The following SLC24A1 variants were observed in gnomAD, a reference collection of about 807,000 sequenced individuals.
SLC24A1 encodes the protein sodium/potassium/calcium exchanger 1.
A neutral mutation model predicts 88.1 loss-of-function variants in SLC24A1; 52 were observed. That is an observed-to-expected ratio of 0.59 (90% CI 0.47 to 0.74). The LOEUF (loss-of-function observed/expected upper bound fraction) is 0.74, where lower values mean the gene tolerates loss of function less well. Among genes scored for constraint, SLC24A1 ranks in the 30% least tolerant of loss-of-function variants. The pLI, the probability that SLC24A1 is intolerant of heterozygous loss-of-function variation, is 0.00. For missense variants in SLC24A1, 1,173 were observed against 1,363.3 expected (o/e 0.86, Z 2.20); for synonymous variants, 455 against 498.0 (o/e 0.91, Z 1.15).
chr15:65,630,733 G>A (rs992867214), intron 2 of SLC24A1, among the ~76,000 whole-genome samples: 1 of 152,234 alleles, frequency 6.6e-6, no homozygotes, highest in African/African-American at 2.4e-5. Context: ...CACTTTGGGA[G>A]GCCGAGGTGG....
rs755718899 is a variant in SLC24A1, at chr15:65,650,895, C to T, written c.2746C>T (p.Pro916Ser). The T allele has an allele frequency of 1.4e-5, 23 of 1,613,840 alleles. No individual in the cohort carries two copies. The highest frequency in any genetic ancestry group is 3.3e-5 in the Admixed American group (2 of 60,000). ...GCAGGCCATTTACCTCTTCCTTCTG[C>T]CCATCGTGTTCCCACTGTGGCTGAC... ...QKQAIYLFLL[P>S]IVFPLWLTVP... is the part of the protein sequence containing the mutation. The change falls in exon 7 of 10, where the codon CCC becomes TCC. Residue 916 changes from proline to serine, a missense_variant. Transcript: ENST00000261892. This position sits in a 1 kb window ranked among gnomAD's most constrained non-coding sequence, Gnocchi z 4.1.
chr15:65,649,846 G>A (rs571369121), intron 6 of SLC24A1, among the ~76,000 whole-genome samples: 1 of 152,300 alleles, frequency 6.6e-6, no homozygotes, highest in East Asian at 1.9e-4. Context: ...TGGAAACATT[G>A]TATCTAAGAC....
At position 65,654,684 on chromosome 15, in the gene SLC24A1, A is replaced by G. The variant is rs759858538; in HGVS notation, c.*605A>G. The stretch of plus-strand genomic sequence containing the variant: ...CATTCCACGTTTTGTAGCCCACTGC[A>G]TCTGGATATATACCAGTATTTTCTT... On this transcript the variant is annotated 3_prime_UTR_variant, in exon 10 of 10. Coordinates refer to ENST00000261892, the MANE Select transcript of SLC24A1 (RefSeq NM_004727.3). The G allele has an allele frequency of 2.4e-6, 3 of 1,273,038 alleles. No homozygotes were observed. Among genetic ancestry groups the G allele is most frequent in the South Asian group, 2.6e-5 (2 of 77,600 alleles). 78.9% of individuals were successfully genotyped at this position (1,273,038 alleles called of 1,614,324 possible). A position where few individuals can be genotyped will look rare whatever the true frequency, so the allele number is the denominator to read the frequency against.
At chr15:65,643,577 C>A (rs74986018) in intron 4 of SLC24A1, among the ~76,000 whole-genome samples, 101 of 152,346 alleles carry the variant, frequency 6.6e-4, no homozygotes, top group African/African-American at 2.4e-3. Flanking sequence ...ACTCCTTCAC[C>A]TCAGCCTTGT....
rs1382781162 is a variant in SLC24A1 at position 65,655,108 on chromosome 15, G to A, written c.*1029G>A. The stretch of plus-strand genomic sequence containing the variant: ...ATGCAAATTCATGTTGTCTCCATCA[G>A]TGGTCACCTTGAGGGATTAGACATT... On this transcript the variant is annotated 3_prime_UTR_variant, in exon 10 of 10. Transcript: ENST00000261892. 4 of 1,008,020 alleles carry A rather than the reference G, an allele frequency of 4.0e-6. No homozygotes were observed. The highest frequency in any genetic ancestry group is 2.4e-6 in the Non-Finnish European group (2 of 843,450). 62.4% of individuals were successfully genotyped at this position (1,008,020 alleles called of 1,614,324 possible).
chr15:65,648,607 G>A (rs1175222243), intron 6 of SLC24A1, among the ~76,000 whole-genome samples: 1 of 151,680 alleles, frequency 6.6e-6, no homozygotes, highest in Non-Finnish European at 1.5e-5. Flanking sequence ...TCAGCCTCCT[G>A]ATGAGCTGGA....
chr15:65,626,310 C>T (rs989161906), intron 2 of SLC24A1, among the ~76,000 whole-genome samples: 5 of 152,130 alleles, frequency 3.3e-5, no homozygotes, highest in African/African-American at 1.2e-4. Flanking sequence ...TGGGTTGGTG[C>T]GACCAGGTGT....
chr15:65,615,552 G>A (rs556454624), intron 2 of SLC24A1, among the ~76,000 whole-genome samples: 10 of 151,828 alleles, frequency 6.6e-5, no homozygotes, highest in Non-Finnish European at 1.3e-4. Flanking sequence ...CTGTCATGGC[G>A]GGCACCTGTA....
chr15:65,658,220 T>A (rs2075745489), downstream of SLC24A1: 1 of 152,198 alleles, frequency 6.6e-6, no homozygotes, highest in African/African-American at 2.4e-5. Flanking sequence ...AGCAAGGTAG[T>A]ATGAGGATGT....
intron 6 of SLC24A1, among the ~76,000 whole-genome samples, chr15:65,648,310 A>G (rs1266789854): frequency 6.6e-6 from 1 of 151,886 alleles, no homozygotes; most frequent in Non-Finnish European, 1.5e-5. Context: ...CACAATTGAG[A>G]CTCACTCAAC....
chr15:65,638,686 C>T (rs16948893), intron 3 of SLC24A1, among the ~76,000 whole-genome samples: 2,182 of 152,220 alleles, frequency 0.014, 54 homozygotes, highest in African/African-American at 0.05. Flanking sequence ...TTATGGGGAA[C>T]TTTGAAAGGA....
downstream of SLC24A1, among the ~76,000 whole-genome samples, chr15:65,656,461 G>A (rs563575825): frequency 7.2e-5 from 11 of 152,198 alleles, no homozygotes; most frequent in South Asian, 2.1e-4. Flanking sequence ...AAGACTAATT[G>A]GTTATACCTG....
At chr15:65,620,105 T>A (rs1284322537), upstream of SLC24A1, among the ~76,000 whole-genome samples, 1 of 150,482 alleles carries the variant, frequency 6.6e-6, no homozygotes, top group Admixed American at 6.6e-5. Context: ...TTTATAATAT[T>A]AATAAATAAA....
downstream of SLC24A1, among the ~76,000 whole-genome samples, chr15:65,657,304 G>C (rs2141757812): frequency 1.3e-5 from 2 of 152,248 alleles, no homozygotes; most frequent in African/African-American, 4.8e-5. Context: ...GTACCAAAGG[G>C]GGCAGGAATT....
intron 4 of SLC24A1, among the ~76,000 whole-genome samples, chr15:65,640,227 C>A (rs1566958044): frequency 6.6e-6 from 1 of 152,130 alleles, no homozygotes; most frequent in Non-Finnish European, 1.5e-5. Flanking sequence ...TCCTAGGAAA[C>A]CTGCCAACTC....
At chr15:65,629,487 A>G (rs1013796850) in intron 2 of SLC24A1, among the ~76,000 whole-genome samples, 3 of 152,262 alleles carry the variant, frequency 2.0e-5, no homozygotes, top group African/African-American at 7.2e-5. Context: ...TGACCCCAGT[A>G]AGGAAATGGT....
upstream of SLC24A1, among the ~76,000 whole-genome samples, chr15:65,621,624 T>C (rs1208850033): frequency 1.3e-5 from 2 of 152,232 alleles, no homozygotes; most frequent in Non-Finnish European, 2.9e-5. Flanking sequence ...TCTGATCTCT[T>C]AAGCCCCAGT....
chr15:65,624,495 AGAAG>A lies in SLC24A1; in HGVS notation c.424_427del (p.Glu142ThrfsTer9), dbSNP rs757876905. ...CAGCCCAACAGCAGCAGGTACAGAA[AGAAG>A]GAAGGAAGACACCCCAACATCCAGT... On this transcript the variant is annotated frameshift_variant, in exon 2 of 10. Coordinates refer to ENST00000261892, the MANE Select transcript of SLC24A1 (RefSeq NM_004727.3). LOFTEE classifies it high-confidence loss of function. The A allele has an allele frequency of 6.2e-7, 1 of 1,607,388 alleles. No homozygotes were observed. Among genetic ancestry groups the A allele is most frequent in the Non-Finnish European group, 8.5e-7 (1 of 1,176,762 alleles).
intron 3 of SLC24A1, 78 bp from the exon 4 acceptor site, chr15:65,639,517 G>T: frequency 1.2e-6 from 1 of 845,958 alleles, no homozygotes; most frequent in Non-Finnish European, 2.0e-6. Context: ...TGGGAAAGAG[G>T]CAAGGTTAGT....
Sources: gnomAD v4.1 joint callset for allele counts (sites outside exome capture counted in the v4.1 genomes callset) on GRCh38, gnomAD v4.1.1 for gene constraint, Gnocchi (gnomAD v3.1) non-coding constraint, MANE v1.5 for transcripts, NCBI Gene and HGNC (gene_info 2026-07-23, HGNC 2026-07-21) for gene names.